Variants in CLCNKB observed in about 807,000 individuals in gnomAD.
The protein encoded by CLCNKB is chloride channel protein ClC-Kb.
In CLCNKB, 74 loss-of-function variants were observed where a neutral mutation model predicts 83.8. That is an observed-to-expected ratio of 0.88 (90% CI 0.73 to 1.07). The LOEUF (loss-of-function observed/expected upper bound fraction) is 1.07, where lower values mean the gene tolerates loss of function less well. Ranked by LOEUF, CLCNKB falls within the 50% of genes least tolerant of loss-of-function variation. The pLI is 0.00. For missense variants in CLCNKB, 798 were observed against 893.6 expected (o/e 0.89, Z 1.36); for synonymous variants, 358 against 356.6 (o/e 1.00, Z -0.04).
chr1:16,049,924 C>G lies in CLCNKB; in HGVS notation c.968+8C>G, dbSNP rs372394893. ...CAAACTGCTGGCCACCAGGTAGGCT[C>G]CGGGCTAAGGGCTGGGGACCTCTCA... On this transcript the variant is annotated splice_region_variant and intron_variant, in intron 10 of 19. Coordinates refer to ENST00000375679, the MANE Select transcript of CLCNKB (RefSeq NM_000085.5). 117 of 1,536,862 alleles carry G rather than the reference C, an allele frequency of 7.6e-5. No homozygotes were observed. The highest frequency in any genetic ancestry group is 9.7e-5 in the Non-Finnish European group (110 of 1,135,836).
chr1:16,050,389 G>A (rs955227962), intron 10 of CLCNKB, 127 bp from the exon 11 acceptor site: 15 of 1,022,674 alleles, frequency 1.5e-5, no homozygotes, highest in African/African-American at 7.9e-5. Context: ...GTCCCCTGGA[G>A]CTGGCCCAGT....
At chr1:16,045,157 G>T (rs756795569) in intron 2 of CLCNKB, among the ~76,000 whole-genome samples, 1 of 152,146 alleles carries the variant, frequency 6.6e-6, no homozygotes, top group Non-Finnish European at 1.5e-5. Flanking sequence ...GATACCTGGC[G>T]CCACAGGTCC....
rs759497614 is a variant in CLCNKB at position 16,051,489 on chromosome 1, G to T, written c.1239G>T (p.Leu413=). The change falls in exon 13 of 20, where the codon CTG becomes CTT. Residue 413 remains leucine, a synonymous_variant. Coordinates refer to ENST00000375679, the MANE Select transcript of CLCNKB (RefSeq NM_000085.5). ...CCCCACTCCCACAGTTCTGGATGCT[G>T]ATTCTGGCCACCACCATCCCCATGC... is the stretch of plus-strand genomic sequence containing the variant. ...AFFLVMKFWM[L]ILATTIPMPA... is the part of the protein sequence containing the mutation. 1.2e-6 allele frequency: 2 copies of T among 1,614,132 alleles called. No individual in the cohort carries two copies. The highest frequency in any genetic ancestry group is 2.2e-5 in the East Asian group (1 of 44,876).
chr1:16,053,412 G>A (rs1490374694), intron 15 of CLCNKB, among the ~76,000 whole-genome samples: 1 of 152,140 alleles, frequency 6.6e-6, no homozygotes, highest in Non-Finnish European at 1.5e-5. Context: ...GGGGGACACG[G>A]GGGTCCAGGG....
At chr1:16,046,703 AC>A in intron 4 of CLCNKB, 40 bp downstream of exon 4, 1 of 1,536,544 alleles carries the variant, frequency 6.5e-7, no homozygotes, top group Non-Finnish European at 8.8e-7. Context: ...ACTGGCCAAA[AC>A]CTTCTCAGAT....
At chr1:16,050,660 G>T in intron 11 of CLCNKB, 60 bp downstream of exon 11, 1 of 1,559,150 alleles carries the variant, frequency 6.4e-7, no homozygotes, top group Non-Finnish European at 8.8e-7. Context: ...CCTCCTTTGC[G>T]TGTATCTCAC....
chr1:16,049,827 C>G lies in CLCNKB; in HGVS notation c.879C>G (p.Gly293=). ...CCATGCTCCCCAGGGGTCTCTGTGG[C>G]ATCCTGGGCAGCGCTTACCTCTTCT... ...FFFVALGGLC[G]ILGSAYLFCQ... is the part of the protein sequence containing the mutation. Residue 293 remains glycine (G), a synonymous_variant, in exon 10 of 20, where the codon GGC becomes GGG. Coordinates refer to ENST00000375679, the MANE Select transcript of CLCNKB (RefSeq NM_000085.5). The G allele has an allele frequency of 2.5e-6, 4 of 1,613,800 alleles. 1 individual carries two copies. The South Asian group carries it at 4.4e-5, about 18-fold the overall frequency.
In CLCNKB at chr1:16,051,776, G is replaced by A; in HGVS notation, c.1364G>A (p.Gly455Glu). Residue 455 changes from glycine to glutamate, a missense_variant, in exon 14 of 20, where the codon GGA becomes GAA. Gly to Glu is a moderately conservative substitution (Grantham distance 98). Transcript: ENST00000375679. ...SFIFPEGIVAGGITNPIMPGG... is the reference protein window; with the variant it reads ...SFIFPEGIVAEGITNPIMPGG... ...ATCTTCCCTGAGGGCATCGTGGCTGGAGGGATCACCAATCCCATCATGCCA... is the reference window on the plus strand; with the variant it reads ...ATCTTCCCTGAGGGCATCGTGGCTGAAGGGATCACCAATCCCATCATGCCA... 2 of 1,613,930 alleles carry A rather than the reference G, an allele frequency of 1.2e-6. No homozygotes were observed. Among genetic ancestry groups the A allele is most frequent in the Non-Finnish European group, 1.7e-6 (2 of 1,179,978 alleles).
chr1:16,052,495 C>T (rs752639499), intron 15 of CLCNKB, 84 bp downstream of exon 15: 103 of 1,563,228 alleles, frequency 6.6e-5, no homozygotes, highest in East Asian at 1.8e-4. Context: ...GAAAAAGAAA[C>T]GCCACCGTAG....
At chr1:16,046,720 G>T (rs530206349) in intron 4 of CLCNKB, 57 bp downstream of exon 4, 13 of 1,606,674 alleles carry the variant, frequency 8.1e-6, no homozygotes, top group African/African-American at 2.7e-5. Context: ...CAGATCCCAG[G>T]GGGGAGTCGG....
intron 10 of CLCNKB, 65 bp downstream of exon 10, chr1:16,049,981 T>C: frequency 1.0e-5 from 12 of 1,201,112 alleles, no homozygotes; most frequent in Non-Finnish European, 1.4e-5. Flanking sequence ...CTCCCAACCT[T>C]ATGTAGAAAG....
intron 15 of CLCNKB, among the ~76,000 whole-genome samples, chr1:16,052,882 A>G (rs2023338216): frequency 6.6e-6 from 1 of 152,158 alleles, no homozygotes; most frequent in Admixed American, 6.5e-5. Context: ...AAAGCAGACC[A>G]AAGAGGCTCT....
intron 7 of CLCNKB, 56 bp downstream of exon 7, chr1:16,048,638 C>T (rs984660656): frequency 3.1e-6 from 5 of 1,605,142 alleles, no homozygotes; most frequent in African/African-American, 2.8e-5. Context: ...CCCTCACACC[C>T]TGGGCTCCTT....
Position 16,049,468 on chromosome 1 carries a change from G to A in CLCNKB, c.782-150G>A, listed in dbSNP as rs1230424089. On this transcript the variant is annotated intron_variant, in intron 8 of 19. Transcript: ENST00000375679. ...AGAAGGGATGAGGCTGGGCAGGGAGGCAGGAGCCTGGTTGTGGGGGCCTGG... is the reference window on the plus strand; with the variant it reads ...AGAAGGGATGAGGCTGGGCAGGGAGACAGGAGCCTGGTTGTGGGGGCCTGG... The A allele has an allele frequency of 1.9e-6, 3 of 1,541,560 alleles. No homozygotes were observed. The African/African-American group carries it at 4.1e-5, about 21-fold the overall frequency.
At chr1:16,045,810 C>T (rs2023085317) in intron 3 of CLCNKB, 124 bp downstream of exon 3, 1 of 1,120,116 alleles carries the variant, frequency 8.9e-7, no homozygotes, top group Non-Finnish European at 1.3e-6. Context: ...GGATCTGGTC[C>T]TGGCTTTACT....
intron 1 of CLCNKB, among the ~76,000 whole-genome samples, chr1:16,044,242 G>A (rs976797681): frequency 2.0e-5 from 3 of 151,658 alleles, no homozygotes; most frequent in Admixed American, 2.0e-4. Context: ...TGGACACAGG[G>A]GGACACCTAG....
In CLCNKB at chr1:16,048,566, T is replaced by G. The variant is rs568382869; in HGVS notation, c.639T>G (p.Phe213Leu). ...AAAAVGVATV[F>L]AAPFSGVLFS... ...CGGCAGTGGGCGTGGCCACAGTCTT[T>G]GCAGCTCCCTTCAGCGGTGAGACCC... Residue 213 changes from phenylalanine to leucine, a missense_variant, in exon 7 of 20, where the codon TTT (phenylalanine) becomes TTG (leucine). Physicochemically the swap from Phe to Leu is conservative, Grantham distance 22 (BLOSUM62 0). Transcript: ENST00000375679. The G allele has an allele frequency of 6.2e-7, 1 of 1,613,236 alleles. No individual in the cohort carries two copies. Among genetic ancestry groups the G allele is most frequent in the Non-Finnish European group, 8.5e-7 (1 of 1,179,666 alleles).
rs201928491 is a variant in CLCNKB, at chr1:16,052,341, T to G, written c.1552T>G (p.Ser518Ala). 71 of 1,613,088 alleles carry G rather than the reference T, an allele frequency of 4.4e-5. No homozygotes were observed. Among genetic ancestry groups the G allele is most frequent in the Non-Finnish European group, 5.8e-5 (69 of 1,180,044 alleles). Residue 518 changes from serine (S) to alanine (A), a missense_variant, in exon 15 of 20, where the codon TCC becomes GCC. By Grantham distance (99) the Ser-to-Ala change is moderately conservative. Coordinates refer to ENST00000375679, the MANE Select transcript of CLCNKB (RefSeq NM_000085.5). ...CGCCATTGCACAGAGCTGCCAGCCC[T>G]CCTTCTATGATGGCACCGTCATTGT... ...ANAIAQSCQP[S>A]FYDGTVIVKK...
In CLCNKB at chr1:16,049,244, G is replaced by A; in HGVS notation, c.780G>A (p.Gln260=). The part of the protein sequence containing the change: ...FRLLAVFNSE[Q]ETITSLYKTS... ...TCCTGGCGGTCTTCAACAGCGAGCAGGGTGAGCCCCCTGGGCTGCCTGACC... is the reference window on the plus strand; with the variant it reads ...TCCTGGCGGTCTTCAACAGCGAGCAAGGTGAGCCCCCTGGGCTGCCTGACC... The change falls in exon 8 of 20, where the codon CAG becomes CAA. Residue 260 remains glutamine, a splice_region_variant and synonymous_variant. Coordinates refer to ENST00000375679, the MANE Select transcript of CLCNKB (RefSeq NM_000085.5). 6.2e-7 allele frequency: 1 copy of A among 1,613,768 alleles called. No homozygotes were observed.
Sources: allele counts gnomAD v4.1 joint callset (sites outside exome capture counted in the v4.1 genomes callset), GRCh38; gene constraint gnomAD v4.1.1; transcripts MANE v1.5; gene names NCBI Gene and HGNC (gene_info 2026-07-23, HGNC 2026-07-21).